Variants in LPP observed in about 807,000 individuals in gnomAD.
LPP encodes the protein LIM domain containing preferred translocation partner in lipoma.
Under a neutral mutation model 60.4 loss-of-function variants are expected in LPP, and 38 were observed. That is an observed-to-expected ratio of 0.63 (90% CI 0.49 to 0.83). The LOEUF is 0.83. LPP is among the 40% of genes least tolerant of loss of function. LPP has a pLI of 0.00. For synonymous variants in LPP, 328 were observed against 290.8 expected (o/e 1.13, Z -1.30); for missense variants, 902 against 783.6 (o/e 1.15, Z -1.80).
At chr3:188,488,289 A>G (rs1164930963) in intron 5 of LPP, among the ~76,000 whole-genome samples, 1 of 152,182 alleles carries the variant, frequency 6.6e-6, no homozygotes, top group Non-Finnish European at 1.5e-5. Context: ...TTTTTGATAT[A>G]TGCTATAAGC....
At chr3:188,169,114 C>G (rs575843885) in intron 1 of LPP, among the ~76,000 whole-genome samples, 1 of 152,218 alleles carries the variant, frequency 6.6e-6, no homozygotes, top group Non-Finnish European at 1.5e-5. Context: ...ACTTTGGGCT[C>G]GTAGTATAAC....
intron 7 of LPP, among the ~76,000 whole-genome samples, chr3:188,633,416 G>A (rs1038147923): frequency 3.3e-5 from 5 of 152,198 alleles, no homozygotes; most frequent in Admixed American, 2.0e-4. Flanking sequence ...GGTATTGTAA[G>A]GCTTACTGGT....
chr3:188,575,980 A>T (rs1834520432), intron 6 of LPP, among the ~76,000 whole-genome samples: 1 of 152,186 alleles, frequency 6.6e-6, no homozygotes, highest in Admixed American at 6.6e-5. Flanking sequence ...ATGTTTGGAA[A>T]GAAGCCCTAT....
At chr3:188,273,480 A>G (rs1448546849) in intron 2 of LPP, among the ~76,000 whole-genome samples, 1 of 151,734 alleles carries the variant, frequency 6.6e-6, no homozygotes, top group Non-Finnish European at 1.5e-5. Flanking sequence ...TTTAAAATTC[A>G]TGTAGAATCC....
intron 3 of LPP, among the ~76,000 whole-genome samples, chr3:188,403,120 C>T (rs1336444184): frequency 1.3e-5 from 2 of 152,024 alleles, no homozygotes; most frequent in Non-Finnish European, 2.9e-5. Context: ...ATGGGCCTCT[C>T]AGGAGGAGCA....
At chr3:188,426,742 A>G (rs1486469492) in intron 4 of LPP, among the ~76,000 whole-genome samples, 1 of 151,760 alleles carries the variant, frequency 6.6e-6, no homozygotes, top group Admixed American at 6.6e-5. Flanking sequence ...TGTTGGTTTA[A>G]TGTCTGTTTT....
intron 8 of LPP, among the ~76,000 whole-genome samples, chr3:188,720,069 C>T (rs957583283): frequency 2.6e-5 from 4 of 152,128 alleles, no homozygotes; most frequent in South Asian, 2.1e-4. Flanking sequence ...CGTGCCACCA[C>T]GCCCAGCTAA....
At chr3:188,236,782 C>G (rs1228370688) in intron 2 of LPP, among the ~76,000 whole-genome samples, 1 of 152,144 alleles carries the variant, frequency 6.6e-6, no homozygotes, top group Non-Finnish European at 1.5e-5. Flanking sequence ...GTGAGTCCTG[C>G]TTTTGCTGAT....
At chr3:188,280,237 T>A (rs1002181103) in intron 2 of LPP, among the ~76,000 whole-genome samples, 38 of 152,138 alleles carry the variant, frequency 2.5e-4, no homozygotes, top group Non-Finnish European at 5.0e-4. Flanking sequence ...ATGGCCCAGA[T>A]GAAAGGAGAA....
At chr3:188,566,241 T>C (rs1228047092) in intron 6 of LPP, among the ~76,000 whole-genome samples, 1 of 151,936 alleles carries the variant, frequency 6.6e-6, no homozygotes, top group Non-Finnish European at 1.5e-5. Context: ...CTAATAACCA[T>C]GTTAGAATTT....
chr3:188,496,638 TCC>T (rs1466602738), intron 5 of LPP, among the ~76,000 whole-genome samples: 1 of 152,160 alleles, frequency 6.6e-6, no homozygotes, highest in African/African-American at 2.4e-5. Context: ...CATTTCTCTC[TCC>T]ATTGCCATCG....
intron 7 of LPP, among the ~76,000 whole-genome samples, chr3:188,667,479 A>C (rs1395974484): frequency 1.3e-5 from 2 of 149,666 alleles, no homozygotes; most frequent in Non-Finnish European, 3.0e-5. Flanking sequence ...CTCTGTCTCA[A>C]AAAAAAAAAA....
intron 6 of LPP, among the ~76,000 whole-genome samples, chr3:188,608,825 G>C (rs1480705670): frequency 6.6e-6 from 1 of 152,104 alleles, no homozygotes; most frequent in African/African-American, 2.4e-5. Context: ...CCGTTTGTTT[G>C]TGTCTTGTAT....
intron 3 of LPP, among the ~76,000 whole-genome samples, chr3:188,356,720 A>G (rs765514705): frequency 6.6e-5 from 10 of 152,152 alleles, no homozygotes; most frequent in African/African-American, 2.4e-4. Flanking sequence ...CCATCCTTCA[A>G]TTTGAGATAA....
chr3:188,241,198 A>G (rs1034273982), intron 2 of LPP, among the ~76,000 whole-genome samples: 1 of 152,268 alleles, frequency 6.6e-6, no homozygotes, highest in Middle Eastern at 3.4e-3. Context: ...GGATAGAACT[A>G]CTGATATAGC....
chr3:188,750,731 G>A (rs774211074), intron 8 of LPP, among the ~76,000 whole-genome samples: 6 of 152,168 alleles, frequency 3.9e-5, no homozygotes, highest in Non-Finnish European at 7.3e-5. Context: ...AGGTAAGAGG[G>A]ACACTGGAGA....
At chr3:188,577,823 CCCTT>C (rs1393606368) in intron 6 of LPP, among the ~76,000 whole-genome samples, 1 of 60,374 alleles carries the variant, frequency 1.7e-5, no homozygotes, top group Non-Finnish European at 3.5e-5. Context: ...CCCTCCCCTC[CCCTT>C]CCTTCTTCTT....
intron 9 of LPP, among the ~76,000 whole-genome samples, chr3:188,857,002 G>A (rs908966561): frequency 6.6e-6 from 1 of 152,206 alleles, no homozygotes; most frequent in Non-Finnish European, 1.5e-5. Context: ...AAGTGGGACA[G>A]AACACCAGGG....
chr3:188,827,162 C>T (rs912018358), intron 9 of LPP, among the ~76,000 whole-genome samples: 9 of 152,128 alleles, frequency 5.9e-5, no homozygotes, highest in African/African-American at 2.2e-4. Flanking sequence ...AACCACCTCT[C>T]AGGTCATCTT....
Sources: allele counts gnomAD v4.1 joint callset (sites outside exome capture counted in the v4.1 genomes callset), GRCh38; gene constraint gnomAD v4.1.1; transcripts MANE v1.5; gene names NCBI Gene and HGNC (gene_info 2026-07-23, HGNC 2026-07-21).